Variants in DKC1 observed in about 807,000 individuals in gnomAD.
The protein encoded by DKC1 is dyskerin pseudouridine synthase 1.
DKC1 carries 4 observed loss-of-function variants against 46.7 expected under a neutral mutation model. The ratio of observed to expected loss-of-function variants is 0.09; its 90% CI spans 0.04 to 0.20. The LOEUF is 0.20. Among genes scored for constraint, DKC1 ranks in the 10% least tolerant of loss-of-function variants. The probability of loss-of-function intolerance (pLI) is 1.00; values close to 1 mark genes in which losing one functional copy is unlikely to be tolerated. For synonymous variants in DKC1, 141 were observed against 142.4 expected (o/e 0.99, Z 0.07); for missense variants, 171 against 404.2 (o/e 0.42, Z 4.95).
intron 5 of DKC1, chrX:154,766,698 A>G (rs782626196): frequency 2.5e-5 from 11 of 431,520 alleles, no homozygotes; most frequent in Non-Finnish European, 3.6e-5. Flanking sequence ...TGCCTAAAGT[A>G]TCCTTCGTTC....
Position 154,762,880 on chromosome X carries a change from C to G in DKC1, c.-86C>G. 2.7e-6 allele frequency: 3 copies of G among 1,104,156 alleles called. No homozygotes were observed. The highest frequency in any genetic ancestry group is 3.7e-6 in the Non-Finnish European group (3 of 815,337). 91.0% of individuals were successfully genotyped at this position (1,104,156 alleles called of 1,213,427 possible). ...TGCGCGGGTGGGTGGGTCCTAGCAG[C>G]GCGGCCTGACGGGACCAAGGCGGCG... On this transcript the variant is annotated 5_prime_UTR_variant, in exon 1 of 15. Transcript: ENST00000369550.
In DKC1 at chrX:154,769,181, A is replaced by G. The variant is rs782138802; in HGVS notation, c.786A>G (p.Thr262=). Residue 262 remains threonine, a synonymous_variant, in exon 9 of 15, where the codon ACA becomes ACG. Coordinates refer to ENST00000369550, the MANE Select transcript of DKC1 (RefSeq NM_001363.5). ...CTGCTTTTCAGGACCACATGGTGAC[A>G]ATGCATGATGTGCTTGATGCTCAGT... ...GVMSEKDHMV[T]MHDVLDAQWL... is the part of the protein sequence containing the mutation. 1 of 1,210,860 alleles carries G rather than the reference A, an allele frequency of 8.3e-7. No homozygotes were observed. Among genetic ancestry groups the G allele is most frequent in the Non-Finnish European group, 1.1e-6 (1 of 895,094 alleles).
intron 12 of DKC1, chrX:154,774,954 G>A (rs782061931): frequency 1.4e-5 from 8 of 573,227 alleles, no homozygotes; most frequent in East Asian, 9.8e-5. Context: ...TTCAGCTCCC[G>A]TGAGATTTTG....
At chrX:154,774,455 AG>A (rs2071869106) in intron 11 of DKC1, 146 bp from the exon 12 acceptor site, 1 of 518,342 alleles carries the variant, frequency 1.9e-6, no homozygotes, top group Non-Finnish European at 3.5e-6. Flanking sequence ...TGTTGGAGTT[AG>A]TGGGCAAATT....
chrX:154,773,089 T>G, intron 10 of DKC1, 42 bp from the exon 11 acceptor site: 1 of 943,317 alleles, frequency 1.1e-6, no homozygotes, highest in Non-Finnish European at 1.5e-6. Context: ...TATCAATTCT[T>G]TCACCCTTCA....
rs2071872349 is a variant in DKC1, at chrX:154,774,679, C to T, written c.1233C>T (p.Thr411=). 8.3e-7 allele frequency: 1 copy of T among 1,211,498 alleles called. No individual in the cohort carries two copies. Among genetic ancestry groups the T allele is most frequent in the East Asian group, 3.0e-5 (1 of 33,867 alleles). Residue 411 remains threonine, a synonymous_variant, in exon 12 of 15, where the codon ACC becomes ACT. Transcript: ENST00000369550. ...HGKPTDSTPA[T]WKQEYVDYSE... Reference sequence around the variant, plus strand: ...AGCCCACAGACAGCACACCTGCCACCTGGAAGCAGGAGTATGTTGACTACA... The same window carrying T: ...AGCCCACAGACAGCACACCTGCCACTTGGAAGCAGGAGTATGTTGACTACA...
At chrX:154,773,286 T>G (rs1557265164) in intron 11 of DKC1, 37 bp downstream of exon 11, 1 of 370,699 alleles carries the variant, frequency 2.7e-6, no homozygotes, top group Admixed American at 4.7e-5. Context: ...GCCAGGTTCT[T>G]TTTTTTTTTT....
At chrX:154,770,624 C>T (rs1370337848) in intron 9 of DKC1, 135 bp from the exon 10 acceptor site, 2 of 841,893 alleles carry the variant, frequency 2.4e-6, no homozygotes, top group African/African-American at 2.0e-5. Flanking sequence ...ATGCCCCTTG[C>T]AGCTAGTGGG....
chrX:154,764,819 C>T, intron 1 of DKC1, 80 bp from the exon 2 acceptor site: 1 of 721,560 alleles, frequency 1.4e-6, no homozygotes, highest in Middle Eastern at 2.9e-4. Context: ...TCCTACCTGC[C>T]CTAATTTCGG....
rs781917288 is a variant in DKC1 at position 154,764,156 on chromosome X, CA to C, written c.17-731del. On this transcript the variant is annotated intron_variant, in intron 1 of 14. Transcript: ENST00000369550. ...GCCTGGGGAAAGAGTGTGACCGTCTCAAAAAAAAAAAATTATATATATATAT... is the reference window on the plus strand; with the variant it reads ...GCCTGGGGAAAGAGTGTGACCGTCTCAAAAAAAAAAATTATATATATATAT... Among the ~76,000 whole-genome samples, 765 of 84,796 alleles carry C rather than the reference CA, an allele frequency of 9.0e-3. 3 individuals are homozygous for C. The highest frequency in any genetic ancestry group is 0.022 in the African/African-American group (512 of 22,851). 73.6% of individuals were successfully genotyped at this position (84,796 alleles called of 115,157 possible).
chrX:154,774,566 C>A, intron 11 of DKC1, 36 bp from the exon 12 acceptor site: 1 of 1,139,224 alleles, frequency 8.8e-7, no homozygotes, highest in South Asian at 1.8e-5. Flanking sequence ...CCAGCATTGA[C>A]ACCATTCTAA....
intron 9 of DKC1, 148 bp from the exon 10 acceptor site, chrX:154,770,611 C>A: frequency 1.4e-6 from 1 of 728,841 alleles, no homozygotes; most frequent in Non-Finnish European, 2.1e-6. Flanking sequence ...CTGAGTACCA[C>A]TCATGCCCCT....
intron 1 of DKC1, among the ~76,000 whole-genome samples, chrX:154,764,302 T>C (rs1398634192): frequency 9.1e-6 from 1 of 109,528 alleles, no homozygotes; most frequent in Non-Finnish European, 1.9e-5. Flanking sequence ...TTACCATGAA[T>C]GGAGCTTGCT....
chrX:154,764,014 A>C (rs1454197285), intron 1 of DKC1, among the ~76,000 whole-genome samples: 1 of 109,750 alleles, frequency 9.1e-6, no homozygotes, highest in Non-Finnish European at 1.9e-5. Context: ...CAAAAAATTT[A>C]GGTGGGCGTG....
chrX:154,774,831 T>G (rs1557265476), intron 12 of DKC1, 126 bp downstream of exon 12: 1 of 618,348 alleles, frequency 1.6e-6, no homozygotes, highest in Non-Finnish European at 2.8e-6. Flanking sequence ...GACGCAGGAG[T>G]ACATGGACAA....
At chrX:154,767,103 G>A in intron 6 of DKC1, 42 bp downstream of exon 6, 1 of 1,188,343 alleles carries the variant, frequency 8.4e-7, no homozygotes, top group East Asian at 3.0e-5. Flanking sequence ...TGTTGACTTG[G>A]ATCTCTGAGC....
chrX:154,762,876 G>A lies in DKC1; in HGVS notation c.-90G>A. 9.1e-7 allele frequency: 1 copy of A among 1,101,614 alleles called. No individual in the cohort carries two copies. Among genetic ancestry groups the A allele is most frequent in the Non-Finnish European group, 1.2e-6 (1 of 813,148 alleles). The allele number at this position is 1,101,614 out of a possible 1,213,427, so 90.8% of individuals were successfully genotyped here. On this transcript the variant is annotated 5_prime_UTR_variant, in exon 1 of 15. Coordinates refer to ENST00000369550, the MANE Select transcript of DKC1 (RefSeq NM_001363.5). The stretch of plus-strand genomic sequence containing the variant: ...GCAGTGCGCGGGTGGGTGGGTCCTA[G>A]CAGCGCGGCCTGACGGGACCAAGGC...
chrX:154,763,550 C>A (rs782316836), intron 1 of DKC1, among the ~76,000 whole-genome samples: 26 of 112,133 alleles, frequency 2.3e-4, no homozygotes, highest in African/African-American at 8.4e-4. Context: ...GAAGGGAAGC[C>A]GACACGTGCA....
At chrX:154,774,539 A>G in intron 11 of DKC1, 63 bp from the exon 12 acceptor site, 1 of 991,415 alleles carries the variant, frequency 1.0e-6, no homozygotes. Flanking sequence ...TATTCTTTGT[A>G]GTCACCATGC....
Sources: gnomAD v4.1 joint callset for allele counts (sites outside exome capture counted in the v4.1 genomes callset) on GRCh38, gnomAD v4.1.1 for gene constraint, MANE v1.5 for transcripts, NCBI Gene and HGNC (gene_info 2026-07-23, HGNC 2026-07-21) for gene names.